CDKAL1: variants seen among roughly 807,000 people sequenced by gnomAD.
CDKAL1 encodes the protein CDKAL1 threonylcarbamoyladenosine tRNA methylthiotransferase.
Under a neutral mutation model 68.2 loss-of-function variants are expected in CDKAL1, and 32 were observed. The ratio of observed to expected loss-of-function variants is 0.47; its 90% CI spans 0.35 to 0.63. CDKAL1 has a LOEUF of 0.63. Among genes scored for constraint, CDKAL1 ranks in the 30% least tolerant of loss-of-function variants. The probability of loss-of-function intolerance (pLI) is 0.00; values close to 1 mark genes in which losing one functional copy is unlikely to be tolerated. For synonymous variants in CDKAL1, 234 were observed against 244.3 expected, an observed-to-expected ratio of 0.96 and a Z score of 0.39; for missense variants, 606 against 696.7, an observed-to-expected ratio of 0.87 and a Z score of 1.47.
rs865829600 is a variant in CDKAL1, at chr6:20,919,280, G to T, written c.743-36139G>T. Among the ~76,000 whole-genome samples the T allele has an allele frequency of 2.6e-5, 4 of 152,176 alleles. No homozygotes were observed. In the East Asian group the frequency reaches 5.8e-4, roughly 22 times the overall value. ...ATTATTCACAGTAGATTTAAATCAC[G>T]ATCAGAGACATTGCTATATCCACAC... On this transcript the variant is annotated intron_variant, in intron 9 of 15. Transcript: ENST00000274695.
At chr6:20,782,977 C>T (rs528211182) in intron 8 of CDKAL1, among the ~76,000 whole-genome samples, 1 of 152,026 alleles carries the variant, frequency 6.6e-6, no homozygotes, top group Non-Finnish European at 1.5e-5. Flanking sequence ...GTCACCTAGG[C>T]TGGAGTGCAA....
intron 7 of CDKAL1, among the ~76,000 whole-genome samples, chr6:20,768,667 TC>T (rs1774805618): frequency 6.6e-6 from 1 of 152,148 alleles, no homozygotes; most frequent in Admixed American, 6.5e-5. Flanking sequence ...GGAGCGTGCT[TC>T]CCAGTGTTGC....
intron 5 of CDKAL1, among the ~76,000 whole-genome samples, chr6:20,734,819 A>G (rs978643989): frequency 1.3e-5 from 2 of 149,632 alleles, no homozygotes; most frequent in Non-Finnish European, 3.0e-5. Context: ...ACACCTGCCT[A>G]GGCCTCCCAA....
At chr6:20,680,187 C>T (rs1770311769) in intron 5 of CDKAL1, among the ~76,000 whole-genome samples, 1 of 152,178 alleles carries the variant, frequency 6.6e-6, no homozygotes, top group African/African-American at 2.4e-5. Context: ...GTGCCTCAGC[C>T]TCCTGAATAG....
intron 13 of CDKAL1, among the ~76,000 whole-genome samples, chr6:21,134,739 A>G (rs1775497170): frequency 6.6e-6 from 1 of 152,134 alleles, no homozygotes; most frequent in Non-Finnish European, 1.5e-5. Context: ...TATGAGCAAT[A>G]CCAACAGAAA....
At chr6:20,720,939 T>C (rs969717377) in intron 5 of CDKAL1, among the ~76,000 whole-genome samples, 9 of 152,374 alleles carry the variant, frequency 5.9e-5, no homozygotes, top group African/African-American at 2.2e-4. Context: ...AATGACATTA[T>C]TTCTTTTTGT....
chr6:21,016,860 T>C (rs1768370332), intron 11 of CDKAL1, among the ~76,000 whole-genome samples: 1 of 152,160 alleles, frequency 6.6e-6, no homozygotes, highest in African/African-American at 2.4e-5. Context: ...AGGTGGGACA[T>C]TCTCTTGAAT....
At chr6:20,696,261 C>T (rs1771103452) in intron 5 of CDKAL1, among the ~76,000 whole-genome samples, 1 of 152,206 alleles carries the variant, frequency 6.6e-6, no homozygotes, top group Non-Finnish European at 1.5e-5. Context: ...ACCAAGTCAA[C>T]TTTCCCACCA....
intron 11 of CDKAL1, among the ~76,000 whole-genome samples, chr6:21,001,408 A>G (rs987092718): frequency 3.3e-5 from 5 of 151,132 alleles, no homozygotes; most frequent in African/African-American, 1.2e-4. Context: ...TCCTTTTTCT[A>G]TTCTTCCATA....
rs560026615 is a variant in CDKAL1, at chr6:20,543,769, CTG to C, written c.-5-2573_-5-2572del. Among the ~76,000 whole-genome samples the C allele has an allele frequency of 1.7e-4, 22 of 127,832 alleles. No individual in the cohort carries two copies. The South Asian group carries it at 3.6e-3, about 21-fold the overall frequency. The allele number at this position is 127,832 out of a possible 152,430, so 83.9% of individuals were successfully genotyped here. On this transcript the variant is annotated intron_variant, in intron 2 of 15. Coordinates refer to ENST00000274695, the MANE Select transcript of CDKAL1 (RefSeq NM_017774.3). ...TTTTTTTTTTTGAGACAGAGTCTCA[CTG>C]TGTCACCCAGGCTGGAGTGCAGTGG...
intron 2 of CDKAL1, among the ~76,000 whole-genome samples, chr6:20,535,936 A>G (rs372188083): frequency 6.6e-6 from 1 of 151,764 alleles, no homozygotes; most frequent in South Asian, 2.1e-4. Context: ...AGCCATTTGT[A>G]TGTGTGTGTT....
chr6:21,000,481 G>A (rs971701136), intron 11 of CDKAL1, 109 bp downstream of exon 11: 2 of 954,904 alleles, frequency 2.1e-6, no homozygotes. Context: ...GAGAGAAGGC[G>A]AGACTTTCGA....
In CDKAL1 at chr6:20,995,001, C is replaced by T. The variant is rs559349824; in HGVS notation, c.910-5226C>T. On this transcript the variant is annotated intron_variant, in intron 10 of 15. Transcript: ENST00000274695. The stretch of plus-strand genomic sequence containing the variant: ...TATCATAAATACTTTGTTGTCATTT[C>T]AACAGTCTTCACAGTGTCTTCAACA... 7.9e-5 allele frequency among the ~76,000 whole-genome samples: 12 copies of T among 152,324 alleles called. No homozygotes were observed. The South Asian group carries it at 2.3e-3, about 29-fold the overall frequency.
At chr6:21,226,922 C>G (rs1779770802) in intron 15 of CDKAL1, among the ~76,000 whole-genome samples, 1 of 152,224 alleles carries the variant, frequency 6.6e-6, no homozygotes, top group Non-Finnish European at 1.5e-5. Context: ...CCGTGTTAGC[C>G]AGGATGGTCT....
chr6:21,049,794 A>G (rs182461566), intron 11 of CDKAL1, among the ~76,000 whole-genome samples: 17 of 149,362 alleles, frequency 1.1e-4, no homozygotes, highest in Admixed American at 1.1e-3. Flanking sequence ...CTTTGGTGTC[A>G]TCTCATCCAG....
rs1235528706 is a variant in CDKAL1 at position 20,546,533 on chromosome 6, T to G, written c.173+10T>G. On this transcript the variant is annotated intron_variant, in intron 3 of 15. Coordinates refer to ENST00000274695, the MANE Select transcript of CDKAL1 (RefSeq NM_017774.3). The stretch of plus-strand genomic sequence containing the variant: ...GTCCACCAAGTGACAGGTAAGCTTT[T>G]TTCCTTGAAATTATATTCATTTTCT... 1.2e-6 allele frequency: 2 copies of G among 1,608,964 alleles called. No homozygotes were observed. Among genetic ancestry groups the G allele is most frequent in the Non-Finnish European group, 1.7e-6 (2 of 1,177,616 alleles).
chr6:20,604,377 C>T (rs1340949070), intron 4 of CDKAL1, among the ~76,000 whole-genome samples: 1 of 152,160 alleles, frequency 6.6e-6, no homozygotes, highest in Non-Finnish European at 1.5e-5. Flanking sequence ...ACTGAGGAAC[C>T]AGCCAGCCAT....
At chr6:20,568,851 T>C (rs1301871582) in intron 4 of CDKAL1, among the ~76,000 whole-genome samples, 2 of 152,132 alleles carry the variant, frequency 1.3e-5, no homozygotes, top group Admixed American at 6.5e-5. Flanking sequence ...CTCATCAGAC[T>C]CTTCCTTAAC....
intron 5 of CDKAL1, among the ~76,000 whole-genome samples, chr6:20,719,556 T>C (rs1190975491): frequency 1.3e-5 from 2 of 152,224 alleles, no homozygotes; most frequent in Non-Finnish European, 2.9e-5. Context: ...CATGGTTTTA[T>C]TTCTCTTCTT....
Sources: allele counts gnomAD v4.1 joint callset (sites outside exome capture counted in the v4.1 genomes callset), GRCh38; gene constraint gnomAD v4.1.1; transcripts MANE v1.5; gene names NCBI Gene and HGNC (gene_info 2026-07-23, HGNC 2026-07-21).